Variants in FOXO3 observed in about 807,000 individuals in gnomAD.
FOXO3 encodes forkhead box protein O3.
In FOXO3, 4 loss-of-function variants were observed where a neutral mutation model predicts 41.9. The observed-to-expected ratio is 0.10, with a 90% CI of 0.05 to 0.22. The LOEUF (loss-of-function observed/expected upper bound fraction) is 0.22. FOXO3 is among the 10% of genes least tolerant of loss of function. The pLI, the probability that FOXO3 is intolerant of heterozygous loss-of-function variation, is 1.00. For synonymous variants in FOXO3, 318 were observed against 389.3 expected (o/e 0.82, Z 2.16); for missense variants, 534 against 906.8 (o/e 0.59, Z 5.28).
At chr6:108,669,689 A>G (rs1779159289) in intron 2 of FOXO3, among the ~76,000 whole-genome samples, 1 of 152,156 alleles carries the variant, frequency 6.6e-6, no homozygotes, top group Non-Finnish European at 1.5e-5. Context: ...GGCCATAAAA[A>G]GGGGTTTTCT....
At chr6:108,578,996 C>CT (rs1776337287) in intron 1 of FOXO3, among the ~76,000 whole-genome samples, 1 of 152,208 alleles carries the variant, frequency 6.6e-6, no homozygotes, top group Admixed American at 6.5e-5. Context: ...TCATGATCAG[C>CT]TAGCTATATC....
At chr6:108,645,113 T>C (rs1245081600) in intron 1 of FOXO3, among the ~76,000 whole-genome samples, 2 of 152,214 alleles carry the variant, frequency 1.3e-5, no homozygotes, top group Admixed American at 6.6e-5. Flanking sequence ...AAAATAACTT[T>C]TATTTTTTAG....
At chr6:108,562,784 C>G (rs1017706181) in intron 1 of FOXO3, among the ~76,000 whole-genome samples, 6 of 152,144 alleles carry the variant, frequency 3.9e-5, no homozygotes, top group African/African-American at 1.4e-4. Context: ...GTGGAAAGGC[C>G]TATGATGTAA....
At chr6:108,562,099 C>G (rs1346431512) in intron 1 of FOXO3, among the ~76,000 whole-genome samples, 1 of 151,974 alleles carries the variant, frequency 6.6e-6, no homozygotes, top group African/African-American at 2.4e-5. Context: ...GAAGGGCGAA[C>G]GGACAGGAGT....
Position 108,669,602 on chromosome 6 carries a change from C to T in FOXO3, c.*34+4713C>T, listed in dbSNP as rs141234681. The stretch of plus-strand genomic sequence containing the variant: ...TTTATTCTTACCTTTTAAAAAAAGC[C>T]GAAAGTCTGAACTGTCATTCAGGGA... On this transcript the variant is annotated intron_variant, in intron 2 of 2. Transcript: ENST00000406360. 5.8e-3 allele frequency among the ~76,000 whole-genome samples: 881 copies of T among 152,066 alleles called. 2 individuals are homozygous for T. Among genetic ancestry groups the T allele is most frequent in the Non-Finnish European group, 9.3e-3 (632 of 68,002 alleles).
In FOXO3 at chr6:108,613,797, T is replaced by G. The variant is rs558627331; in HGVS notation, c.622-49658T>G. ...GCATGTTGTGGGTTTAATTTGCTCTTTTTCTGGCATCTTAAGGTGAAACCT... is the reference window on the plus strand; with the variant it reads ...GCATGTTGTGGGTTTAATTTGCTCTGTTTCTGGCATCTTAAGGTGAAACCT... On this transcript the variant is annotated intron_variant, in intron 1 of 2. Transcript: ENST00000406360. Among the ~76,000 whole-genome samples, 5 of 152,280 alleles carry G rather than the reference T, an allele frequency of 3.3e-5. No individual in the cohort carries two copies. The South Asian group carries it at 6.2e-4, about 19-fold the overall frequency.
intron 2 of FOXO3, among the ~76,000 whole-genome samples, chr6:108,679,297 A>AT (rs68133386): frequency 0.15 from 22,471 of 152,016 alleles, 1,836 homozygotes; most frequent in South Asian, 0.28. Context: ...GAAAGTGGCC[A>AT]TTTCATCTCC....
chr6:108,684,594 T>A lies in FOXO3; in HGVS notation c.*4802T>A, dbSNP rs1328918333. The A allele has an allele frequency of 6.6e-6, 1 of 152,634 alleles. No homozygotes were observed. The highest frequency in any genetic ancestry group is 1.5e-5 in the Non-Finnish European group (1 of 68,036). 9.5% of individuals were successfully genotyped at this position (152,634 alleles called of 1,614,324 possible). The stretch of plus-strand genomic sequence containing the variant: ...CCATGAATTAACTCTGCCGCCTTTC[T>A]TAAGGATCAAAACCAGTTTGATTTG... On this transcript the variant is annotated 3_prime_UTR_variant, in exon 3 of 3. Transcript: ENST00000406360.
At chr6:108,627,658 G>C (rs954644689) in intron 1 of FOXO3, among the ~76,000 whole-genome samples, 14 of 151,906 alleles carry the variant, frequency 9.2e-5, no homozygotes, top group African/African-American at 3.4e-4. Flanking sequence ...TTGTCTTGGG[G>C]CACACATAAA....
intron 1 of FOXO3, chr6:108,617,947 G>A: frequency 2.1e-6 from 1 of 479,172 alleles, no homozygotes; most frequent in South Asian, 2.0e-5. Flanking sequence ...ACTTGAGAAG[G>A]TAATCGTGGT....
chr6:108,655,362 A>G (rs958484400), intron 1 of FOXO3, among the ~76,000 whole-genome samples: 11 of 152,178 alleles, frequency 7.2e-5, no homozygotes, highest in African/African-American at 2.7e-4. Flanking sequence ...TCTCACCTTT[A>G]TCTTCTCAAT....
At position 108,561,516 on chromosome 6, in the gene FOXO3, C is replaced by T. The variant is rs756791865; in HGVS notation, c.308C>T (p.Pro103Leu). 5.5e-6 allele frequency: 8 copies of T among 1,445,260 alleles called. No individual in the cohort carries two copies. Among genetic ancestry groups the T allele is most frequent in the Non-Finnish European group, 7.2e-6 (8 of 1,106,644 alleles). The allele number at this position is 1,445,260 out of a possible 1,614,324, so 89.5% of individuals were successfully genotyped here. ...GAGGACTCGGCCCGGGTGCTGGCAC[C>T]CGGAGGGCAAGACCCCGGGTCTGGG... ...LLEDSARVLA[P>L]GGQDPGSGPA... Residue 103 changes from proline to leucine, a missense_variant, in exon 1 of 3, where the codon CCC becomes CTC. Around this residue, in one of 8 missense-constraint regions of FOXO3, gnomAD observed 139 missense variants for 163.7 expected, o/e 0.85. Transcript: ENST00000406360.
chr6:108,675,470 CT>C (rs1554220082), intron 2 of FOXO3, among the ~76,000 whole-genome samples: 1 of 152,162 alleles, frequency 6.6e-6, no homozygotes, highest in Non-Finnish European at 1.5e-5. Context: ...GCAAGGCAGC[CT>C]TTACACAAGT....
At chr6:108,656,058 G>A (rs1178459307) in intron 1 of FOXO3, among the ~76,000 whole-genome samples, 2 of 151,850 alleles carry the variant, frequency 1.3e-5, no homozygotes, top group Non-Finnish European at 2.9e-5. Context: ...GGGAAGTAGT[G>A]GGCCTGGCTT....
intron 1 of FOXO3, among the ~76,000 whole-genome samples, chr6:108,623,922 G>C (rs895988826): frequency 6.6e-6 from 1 of 152,156 alleles, no homozygotes; most frequent in East Asian, 1.9e-4. Context: ...AATGGACTTC[G>C]AAATGATTGA....
Position 108,561,107 on chromosome 6 carries a change from A to T in FOXO3, c.-102A>T. 1 of 1,424,544 alleles carries T rather than the reference A, an allele frequency of 7.0e-7. No individual in the cohort carries two copies. The highest frequency in any genetic ancestry group is 9.1e-7 in the Non-Finnish European group (1 of 1,098,760). The allele number at this position is 1,424,544 out of a possible 1,614,324, so 88.2% of individuals were successfully genotyped here. ...CCAGGCGGCGGCGGCGGCGCCCGGGAGCCGGAGCCTTCGCGGCGTCCACGT... is the reference window on the plus strand; with the variant it reads ...CCAGGCGGCGGCGGCGGCGCCCGGGTGCCGGAGCCTTCGCGGCGTCCACGT... On this transcript the variant is annotated 5_prime_UTR_variant, in exon 1 of 3. Transcript: ENST00000406360.
Position 108,684,214 on chromosome 6 carries a change from C to T in FOXO3, c.*4422C>T, listed in dbSNP as rs1416456149. On this transcript the variant is annotated 3_prime_UTR_variant, in exon 3 of 3. Coordinates refer to ENST00000406360, the MANE Select transcript of FOXO3 (RefSeq NM_001455.4). Reference sequence around the variant, plus strand: ...AATCAGTCTTCTCTTGTATACTTGTCCTAGCACATTATGTACATGGGAAAT... The same window carrying T: ...AATCAGTCTTCTCTTGTATACTTGTTCTAGCACATTATGTACATGGGAAAT... The T allele has an allele frequency of 6.6e-6, 1 of 152,400 alleles. No individual in the cohort carries two copies. The highest frequency in any genetic ancestry group is 1.5e-5 in the Non-Finnish European group (1 of 68,010). 9.4% of individuals were successfully genotyped at this position (152,400 alleles called of 1,614,324 possible). A position where few individuals can be genotyped will look rare whatever the true frequency, so the allele number is the denominator to read the frequency against.
chr6:108,611,244 G>A (rs969437621), intron 1 of FOXO3, among the ~76,000 whole-genome samples: 9 of 152,080 alleles, frequency 5.9e-5, no homozygotes, highest in Admixed American at 2.0e-4. Context: ...GAAATATACC[G>A]GAATATTTTA....
At chr6:108,565,272 A>G (rs1446020549) in intron 1 of FOXO3, among the ~76,000 whole-genome samples, 1 of 152,218 alleles carries the variant, frequency 6.6e-6, no homozygotes, top group Non-Finnish European at 1.5e-5. Flanking sequence ...GGTTACTTAC[A>G]TTTGTCAGAT....
Sources: allele counts gnomAD v4.1 joint callset (sites outside exome capture counted in the v4.1 genomes callset), GRCh38; gene constraint gnomAD v4.1.1; regional missense constraint gnomAD v4.1.1; transcripts MANE v1.5; gene names NCBI Gene and HGNC (gene_info 2026-07-23, HGNC 2026-07-21).